The following GOLGA4 variants were observed in gnomAD, a reference collection of about 807,000 sequenced individuals.
GOLGA4 encodes golgin subfamily A member 4.
Under a neutral mutation model 265.9 loss-of-function variants are expected in GOLGA4, and 169 were observed. That is an observed-to-expected ratio of 0.64 (90% CI 0.56 to 0.72). The LOEUF is 0.72. Among genes scored for constraint, GOLGA4 ranks in the 30% least tolerant of loss-of-function variants. GOLGA4 has a pLI of 0.00. For missense variants in GOLGA4, 2,482 were observed against 2,483.4 expected, an observed-to-expected ratio of 1.00 and a Z score of 0.01; for synonymous variants, 923 against 855.8, an observed-to-expected ratio of 1.08 and a Z score of -1.37.
intron 9 of GOLGA4, among the ~76,000 whole-genome samples, chr3:37,301,823 C>G (rs919602733): frequency 6.6e-6 from 1 of 152,060 alleles, no homozygotes; most frequent in African/African-American, 2.4e-5. Context: ...GAGTCTCACT[C>G]TGTCACCCAG....
At chr3:37,253,249 A>G (rs75293959) in intron 2 of GOLGA4, among the ~76,000 whole-genome samples, 1 of 139,118 alleles carries the variant, frequency 7.2e-6, no homozygotes, top group Non-Finnish European at 1.6e-5. Context: ...CCTGTCTTTC[A>G]AAAAAAAAAA....
chr3:37,350,388 A>G (rs1256985467), intron 21 of GOLGA4, among the ~76,000 whole-genome samples: 11 of 152,252 alleles, frequency 7.2e-5, no homozygotes, highest in Middle Eastern at 3.4e-3. Context: ...TTTTTCCCCA[A>G]ACATGCTTGT....
intron 2 of GOLGA4, among the ~76,000 whole-genome samples, chr3:37,268,160 C>T (rs2096788611): frequency 6.6e-6 from 1 of 152,142 alleles, no homozygotes; most frequent in Admixed American, 6.6e-5. Flanking sequence ...CGGCTCACTA[C>T]ACCCTCAAAT....
At chr3:37,297,000 T>C (rs1247770554) in intron 7 of GOLGA4, among the ~76,000 whole-genome samples, 3 of 152,254 alleles carry the variant, frequency 2.0e-5, no homozygotes, top group Non-Finnish European at 4.4e-5. Context: ...AACAGGTCAG[T>C]TCTGCTTACA....
At chr3:37,276,035 A>C (rs3774318) in intron 2 of GOLGA4, 1 of 1,612,880 alleles carries the variant, frequency 6.2e-7, no homozygotes, top group Middle Eastern at 1.9e-4. Flanking sequence ...CAATGTAAGC[A>C]ACAGAAAGGA....
chr3:37,267,476 T>G, intron 2 of GOLGA4, among the ~76,000 whole-genome samples: 1 of 152,356 alleles, frequency 6.6e-6, no homozygotes, highest in South Asian at 2.1e-4. Context: ...GTCTCATTTG[T>G]TTTTAAGTGA....
rs2096970092 is a variant in GOLGA4, at chr3:37,326,153, A to G, written c.4267A>G (p.Thr1423Ala). 1.2e-6 allele frequency: 2 copies of G among 1,613,478 alleles called. No individual in the cohort carries two copies. The highest frequency in any genetic ancestry group is 1.1e-5 in the South Asian group (1 of 91,006). ...QVQDLSFKVD[T>A]LSKEKISALE... ...GCAAGATTTATCTTTTAAAGTTGAC[A>G]CTCTGAGTAAAGAGAAAATTTCTGC... is the stretch of plus-strand genomic sequence containing the variant. The change falls in exon 14 of 24, where the codon ACT becomes GCT. Residue 1423 changes from threonine (T) to alanine (A), a missense_variant. Thr to Ala is a moderately conservative substitution (Grantham distance 58). Around this residue, in one of 3 missense-constraint regions of GOLGA4, gnomAD observed 942 missense variants for 983.1 expected, o/e 0.96. Transcript: ENST00000361924.
chr3:37,257,016 C>G (rs1253892288), intron 2 of GOLGA4, among the ~76,000 whole-genome samples: 1 of 152,084 alleles, frequency 6.6e-6, no homozygotes, highest in Non-Finnish European at 1.5e-5. Context: ...TCACATCTAT[C>G]TAGTTCCATA....
intron 2 of GOLGA4, among the ~76,000 whole-genome samples, chr3:37,252,231 A>G (rs1332405557): frequency 1.3e-5 from 2 of 152,160 alleles, no homozygotes; most frequent in Non-Finnish European, 2.9e-5. Context: ...TCCCAGGTCA[A>G]GCAAAGGAAC....
chr3:37,285,226 CTT>C (rs2096845367), intron 3 of GOLGA4, among the ~76,000 whole-genome samples: 1 of 146,776 alleles, frequency 6.8e-6, no homozygotes, highest in African/African-American at 2.6e-5. Context: ...GTCTCGAACT[CTT>C]GGGCTCAAGT....
intron 10 of GOLGA4, among the ~76,000 whole-genome samples, chr3:37,313,831 A>G (rs1164246306): frequency 6.6e-6 from 1 of 152,224 alleles, no homozygotes; most frequent in African/African-American, 2.4e-5. Context: ...GGGCTTATCC[A>G]GACATAACTT....
rs748487695 is a variant in GOLGA4, at chr3:37,327,388, G to A, written c.5502G>A (p.Val1834=). Residue 1834 remains valine, a synonymous_variant, in exon 14 of 24, where the codon GTG becomes GTA. Transcript: ENST00000361924. ...AGGCAAAGCAAAACTTGGAAAATGTGTTTGACGACGTCCAGAAAACCCTCC... is the reference window on the plus strand; with the variant it reads ...AGGCAAAGCAAAACTTGGAAAATGTATTTGACGACGTCCAGAAAACCCTCC... ...NIQAKQNLEN[V]FDDVQKTLQE... 1.2e-6 allele frequency: 2 copies of A among 1,613,928 alleles called. No individual in the cohort carries two copies. Among genetic ancestry groups the A allele is most frequent in the Admixed American group, 1.7e-5 (1 of 60,002 alleles).
At chr3:37,358,964 A>G (rs1302770787) in intron 22 of GOLGA4, among the ~76,000 whole-genome samples, 1 of 152,184 alleles carries the variant, frequency 6.6e-6, no homozygotes, top group South Asian at 2.1e-4. Flanking sequence ...GGATTATACT[A>G]TCTCTAAGGT....
At chr3:37,359,219 A>G (rs1401338247) in intron 22 of GOLGA4, among the ~76,000 whole-genome samples, 1 of 152,178 alleles carries the variant, frequency 6.6e-6, no homozygotes, top group African/African-American at 2.4e-5. Context: ...GAGTAGCACA[A>G]TATGGGCAAG....
Position 37,366,204 on chromosome 3 carries a change from C to A in GOLGA4, c.*158C>A. ...CAGGGCCCCTCATGTAGCCAAAAGA[C>A]CAAGAAAAATCTGGCCCACAGATAA... On this transcript the variant is annotated 3_prime_UTR_variant, in exon 24 of 24. Coordinates refer to ENST00000361924, the MANE Select transcript of GOLGA4 (RefSeq NM_002078.5). 1.1e-6 allele frequency: 1 copy of A among 890,002 alleles called. No individual in the cohort carries two copies. Among genetic ancestry groups the A allele is most frequent in the Non-Finnish European group, 1.6e-6 (1 of 626,832 alleles). 55.1% of individuals were successfully genotyped at this position (890,002 alleles called of 1,614,324 possible). A position where few individuals can be genotyped will look rare whatever the true frequency, so the allele number is the denominator to read the frequency against.
At chr3:37,276,058 T>C in intron 2 of GOLGA4, 1 of 1,612,552 alleles carries the variant, frequency 6.2e-7, no homozygotes, top group East Asian at 2.2e-5. Flanking sequence ...AGACAAATGC[T>C]CGAGATACTT....
chr3:37,315,524 A>G lies in GOLGA4; in HGVS notation c.1339A>G (p.Thr447Ala), dbSNP rs1484560655. The change falls in exon 11 of 24, where the codon ACA becomes GCA. Residue 447 changes from threonine to alanine, a missense_variant. Thr to Ala is a moderately conservative substitution (Grantham distance 58). Transcript: ENST00000361924. ...MDEQIKTIEKTSEEERISLQQ... is the reference protein window; with the variant it reads ...MDEQIKTIEKASEEERISLQQ... ...TGAACAAATAAAAACTATCGAAAAAACAAGTGAGGAGGAACGCATCAGTCT... is the reference window on the plus strand; with the variant it reads ...TGAACAAATAAAAACTATCGAAAAAGCAAGTGAGGAGGAACGCATCAGTCT... The G allele has an allele frequency of 6.2e-7, 1 of 1,614,048 alleles. No individual in the cohort carries two copies. The highest frequency in any genetic ancestry group is 8.5e-7 in the Non-Finnish European group (1 of 1,179,906).
At chr3:37,303,383 G>A (rs1414355318) in intron 10 of GOLGA4, among the ~76,000 whole-genome samples, 1 of 152,204 alleles carries the variant, frequency 6.6e-6, no homozygotes, top group Admixed American at 6.5e-5. Flanking sequence ...AAGAAAGGTA[G>A]AATCTGTAGA....
At position 37,324,745 on chromosome 3, in the gene GOLGA4, A is replaced by C. The variant is rs1342614389; in HGVS notation, c.2859A>C (p.Glu953Asp). The change falls in exon 14 of 24, where the codon GAA (glutamate) becomes GAC (aspartate). Residue 953 changes from glutamate (E) to aspartate (D), a missense_variant. By Grantham distance (45) the Glu-to-Asp change is conservative (BLOSUM62 2). This residue lies in a region of GOLGA4 where 1,536 missense variants were observed against 1,483.7 expected (regional missense o/e 1.04). Coordinates refer to ENST00000361924, the MANE Select transcript of GOLGA4 (RefSeq NM_002078.5). Reference protein sequence around the residue: ...EEYETKFKNQEKKMEKVKQKA... With the variant: ...EEYETKFKNQDKKMEKVKQKA... ...ATGAAACCAAATTTAAAAACCAAGA[A>C]AAAAAGATGGAAAAAGTTAAGCAGA... is the stretch of plus-strand genomic sequence containing the variant. The C allele has an allele frequency of 6.3e-7, 1 of 1,585,660 alleles. No individual in the cohort carries two copies. Among genetic ancestry groups the C allele is most frequent in the Non-Finnish European group, 8.5e-7 (1 of 1,172,492 alleles).
Sources: allele counts gnomAD v4.1 joint callset (sites outside exome capture counted in the v4.1 genomes callset), GRCh38; gene constraint gnomAD v4.1.1; regional missense constraint gnomAD v4.1.1; transcripts MANE v1.5; gene names NCBI Gene and HGNC (gene_info 2026-07-23, HGNC 2026-07-21).